The following NDUFAF2 variants were observed in gnomAD, a reference collection of about 807,000 sequenced individuals.
The protein encoded by NDUFAF2 is NADH dehydrogenase [ubiquinone] 1 alpha subcomplex assembly factor 2.
Under a neutral mutation model 22.8 loss-of-function variants are expected in NDUFAF2, and 13 were observed. That is an observed-to-expected ratio of 0.57 (90% CI 0.37 to 0.91). NDUFAF2 has a LOEUF of 0.91. Among genes scored for constraint, NDUFAF2 ranks in the 40% least tolerant of loss-of-function variants. The pLI, the probability that NDUFAF2 is intolerant of heterozygous loss-of-function variation, is 0.01. For synonymous variants in NDUFAF2, 53 were observed against 64.2 expected, an observed-to-expected ratio of 0.83 and a Z score of 0.84; for missense variants, 162 against 195.2, an observed-to-expected ratio of 0.83 and a Z score of 1.01.
chr5:61,008,617 A>C (rs1360295260), intron 1 of NDUFAF2, among the ~76,000 whole-genome samples: 1 of 152,128 alleles, frequency 6.6e-6, no homozygotes, highest in Non-Finnish European at 1.5e-5. Context: ...TGAGTAGTAA[A>C]TGAGTATGTA....
chr5:61,128,772 T>C (rs1753069129), intron 3 of NDUFAF2, among the ~76,000 whole-genome samples: 1 of 152,092 alleles, frequency 6.6e-6, no homozygotes, highest in Admixed American at 6.6e-5. Flanking sequence ...CAAAAAGCAA[T>C]GGCAACAAAA....
At chr5:60,945,557 C>A in intron 1 of NDUFAF2, 175 bp downstream of exon 1, 1 of 987,114 alleles carries the variant, frequency 1.0e-6, no homozygotes, top group South Asian at 1.5e-5. Context: ...CATCGGAGCC[C>A]TACCCGGCCC....
Position 61,152,815 on chromosome 5 carries a change from C to T in NDUFAF2, c.370C>T (p.Pro124Ser), listed in dbSNP as rs752505537. Residue 124 changes from proline (P) to serine (S), a missense_variant, in exon 4 of 4, where the codon CCA becomes TCA. Pro to Ser is a moderately conservative substitution (Grantham distance 74). Transcript: ENST00000296597. ...GACCAGTGAGGAACTCCTGCCTCCA[C>T]CAGTTCAAACTCAAATTAAAGGCCA... ...KETSEELLPP[P>S]VQTQIKGHAS... 7 of 1,603,808 alleles carry T rather than the reference C, an allele frequency of 4.4e-6. No individual in the cohort carries two copies. The East Asian group carries it at 1.1e-4, about 26-fold the overall frequency.
intron 1 of NDUFAF2, among the ~76,000 whole-genome samples, chr5:60,959,602 G>A (rs1750658832): frequency 6.6e-6 from 1 of 151,712 alleles, no homozygotes; most frequent in South Asian, 2.1e-4. Flanking sequence ...CATCACCATG[G>A]GCATCATCAG....
chr5:61,047,173 C>T (rs768558118), intron 1 of NDUFAF2, among the ~76,000 whole-genome samples: 37 of 152,076 alleles, frequency 2.4e-4, no homozygotes, highest in Non-Finnish European at 4.6e-4. Context: ...TTTCCCATCC[C>T]GAGAGTATTA....
chr5:60,985,455 C>T (rs1301880570), intron 1 of NDUFAF2, among the ~76,000 whole-genome samples: 1 of 152,038 alleles, frequency 6.6e-6, no homozygotes, highest in Admixed American at 6.6e-5. Flanking sequence ...TGTGTTTGCT[C>T]TTGCTTCTCT....
intron 1 of NDUFAF2, among the ~76,000 whole-genome samples, chr5:60,986,653 AGGCATGGT>A (rs968937205): frequency 2.0e-5 from 3 of 152,150 alleles, no homozygotes; most frequent in African/African-American, 7.2e-5. Flanking sequence ...AAAACTGGCC[AGGCATGGT>A]GGCTCATGCC....
At chr5:61,107,090 C>CAT (rs1554083322) in intron 3 of NDUFAF2, among the ~76,000 whole-genome samples, 7 of 146,168 alleles carry the variant, frequency 4.8e-5, no homozygotes, top group African/African-American at 1.6e-4. Flanking sequence ...CACACACACA[C>CAT]ATATATGCCT....
chr5:61,053,330 G>T (rs1367875276), intron 1 of NDUFAF2, among the ~76,000 whole-genome samples: 1 of 152,132 alleles, frequency 6.6e-6, no homozygotes, highest in Non-Finnish European at 1.5e-5. Flanking sequence ...CAATATTTTA[G>T]AAAATATAAC....
chr5:61,129,864 A>G (rs139805355), intron 3 of NDUFAF2, among the ~76,000 whole-genome samples: 34 of 152,206 alleles, frequency 2.2e-4, no homozygotes, highest in Middle Eastern at 3.4e-3. Context: ...CTATGCAAAT[A>G]AAACCCAGCT....
At chr5:61,078,736 G>C (rs1010525260) in intron 2 of NDUFAF2, among the ~76,000 whole-genome samples, 1 of 151,318 alleles carries the variant, frequency 6.6e-6, no homozygotes, top group Admixed American at 6.6e-5. Context: ...GTGAGACCCC[G>C]TCTCACAAGA....
intron 3 of NDUFAF2, among the ~76,000 whole-genome samples, chr5:61,128,196 C>G (rs1753062219): frequency 6.6e-6 from 1 of 152,036 alleles, no homozygotes; most frequent in Non-Finnish European, 1.5e-5. Flanking sequence ...TAGGAAGAAT[C>G]AATATCATGA....
chr5:61,019,352 A>AGCT (rs1379575753), intron 1 of NDUFAF2, among the ~76,000 whole-genome samples: 2 of 152,060 alleles, frequency 1.3e-5, no homozygotes, highest in Non-Finnish European at 2.9e-5. Context: ...TATAAGTATT[A>AGCT]GCTGCTATTC....
chr5:61,051,095 A>G (rs1343041353), intron 1 of NDUFAF2, among the ~76,000 whole-genome samples: 3 of 152,220 alleles, frequency 2.0e-5, no homozygotes, highest in East Asian at 1.9e-4. Flanking sequence ...CATATATTCA[A>G]GTGTCCAAAA....
At chr5:61,038,088 A>AG (rs1561547893) in intron 1 of NDUFAF2, among the ~76,000 whole-genome samples, 9 of 77,824 alleles carry the variant, frequency 1.2e-4, no homozygotes, top group South Asian at 6.7e-4. Context: ...GAGGCGGGGG[A>AG]AGAGAGAGAG....
intron 1 of NDUFAF2, among the ~76,000 whole-genome samples, chr5:61,040,302 G>GCGCGCGCGCGC (rs1491236283): frequency 2.0e-5 from 3 of 146,368 alleles, no homozygotes; most frequent in East Asian, 2.0e-4. Flanking sequence ...GCGCGCGCGC[G>GCGCGCGCGCGC]AAAGTTGAAA....
chr5:61,012,544 TA>T (rs1751455101), intron 1 of NDUFAF2, among the ~76,000 whole-genome samples: 1 of 152,086 alleles, frequency 6.6e-6, no homozygotes, highest in South Asian at 2.1e-4. Flanking sequence ...TATGATTTTT[TA>T]ATTAGTGTAC....
intron 3 of NDUFAF2, among the ~76,000 whole-genome samples, chr5:61,119,837 T>A (rs1182924066): frequency 6.6e-6 from 1 of 152,202 alleles, no homozygotes; most frequent in Non-Finnish European, 1.5e-5. Context: ...CTCTCTGGCT[T>A]AGCCAATACT....
intron 1 of NDUFAF2, among the ~76,000 whole-genome samples, chr5:61,062,524 G>A (rs933344010): frequency 6.6e-6 from 1 of 152,056 alleles, no homozygotes; most frequent in Non-Finnish European, 1.5e-5. Context: ...AAAAAAGAAT[G>A]AAAAAGAGTG....
Sources: gnomAD v4.1 joint callset for allele counts (sites outside exome capture counted in the v4.1 genomes callset) on GRCh38, gnomAD v4.1.1 for gene constraint, MANE v1.5 for transcripts, NCBI Gene and HGNC (gene_info 2026-07-23, HGNC 2026-07-21) for gene names.